The following ANKRD50 variants were observed in gnomAD, a reference collection of about 807,000 sequenced individuals.
ANKRD50 encodes the protein ankyrin repeat domain-containing protein 50.
Under a neutral mutation model 112.0 loss-of-function variants are expected in ANKRD50, and 40 were observed. The ratio of observed to expected loss-of-function variants is 0.36; its 90% confidence interval spans 0.28 to 0.46. ANKRD50 has a LOEUF of 0.46. Among genes scored for constraint, ANKRD50 ranks in the 20% least tolerant of loss-of-function variants. The pLI is 1.00. For synonymous variants in ANKRD50, 613 were observed against 619.1 expected (o/e 0.99, Z 0.15); for missense variants, 1,487 against 1,701.7 (o/e 0.87, Z 2.22).
intron 2 of ANKRD50, among the ~76,000 whole-genome samples, chr4:124,701,597 A>T (rs1017881499): frequency 6.6e-6 from 1 of 152,236 alleles, no homozygotes; most frequent in African/African-American, 2.4e-5. Context: ...CAGGTTTGAA[A>T]TTTAAAACAA....
intron 2 of ANKRD50, among the ~76,000 whole-genome samples, chr4:124,698,138 G>A (rs1399692596): frequency 2.6e-5 from 4 of 150,964 alleles, no homozygotes; most frequent in Non-Finnish European, 4.4e-5. Context: ...GATGGGAAAG[G>A]GTAAAGTGCT....
At chr4:124,699,060 G>A (rs992855851) in intron 2 of ANKRD50, among the ~76,000 whole-genome samples, 1 of 152,052 alleles carries the variant, frequency 6.6e-6, no homozygotes, top group African/African-American at 2.4e-5. Flanking sequence ...TAACAATTAC[G>A]TGTGTATACC....
rs970689506 is a variant in ANKRD50, at chr4:124,666,051, C to T, written c.*1467G>A. 9 of 151,960 alleles carry T rather than the reference C, an allele frequency of 5.9e-5. No individual in the cohort carries two copies. The highest frequency in any genetic ancestry group is 1.3e-4 in the Non-Finnish European group (9 of 67,920). 9.4% of individuals were successfully genotyped at this position (151,960 alleles called of 1,614,324 possible). A position where few individuals can be genotyped will look rare whatever the true frequency, so the allele number is the denominator to read the frequency against. On this transcript the variant is annotated 3_prime_UTR_variant, in exon 5 of 5. Transcript: ENST00000504087. Reference sequence around the variant, plus strand: ...ATTCTCTTTCCTCATTCCTCATCAACAGTACATGAAAAGAACAGAATTTCT... The same window carrying T: ...ATTCTCTTTCCTCATTCCTCATCAATAGTACATGAAAAGAACAGAATTTCT...
intron 2 of ANKRD50, among the ~76,000 whole-genome samples, chr4:124,690,359 T>C (rs1232686021): frequency 1.3e-5 from 2 of 152,250 alleles, no homozygotes; most frequent in Non-Finnish European, 2.9e-5. Flanking sequence ...TCTTGATAAC[T>C]GATCTTTTCT....
At chr4:124,700,124 A>T (rs1220999428) in intron 2 of ANKRD50, among the ~76,000 whole-genome samples, 1 of 152,204 alleles carries the variant, frequency 6.6e-6, no homozygotes, top group African/African-American at 2.4e-5. Context: ...GTGAATAAGG[A>T]AAGCTCTCTG....
In ANKRD50 at chr4:124,671,377, C is replaced by G; in HGVS notation, c.1900G>C (p.Gly634Arg). Residue 634 changes from glycine to arginine, a missense_variant, in exon 4 of 5, where the codon GGC (glycine) becomes CGC (arginine). Physicochemically the swap from Gly to Arg is moderately radical, Grantham distance 125. Around this residue, in one of 2 missense-constraint regions of ANKRD50, gnomAD observed 1,046 missense variants for 1,269.5 expected, o/e 0.82. Coordinates refer to ENST00000504087, the MANE Select transcript of ANKRD50 (RefSeq NM_020337.3). Reference sequence around the variant, plus strand: ...GCATCTGCACAATCCACTTTTACGCCAGCATAAAGTAGTGCAGAAACTACC... The same window carrying G: ...GCATCTGCACAATCCACTTTTACGCGAGCATAAAGTAGTGCAGAAACTACC... ...TEVVSALLYA[G>R]VKVDCADADS... 6.2e-7 allele frequency: 1 copy of G among 1,613,860 alleles called. No homozygotes were observed. Among genetic ancestry groups the G allele is most frequent in the Non-Finnish European group, 8.5e-7 (1 of 1,179,870 alleles).
intron 2 of ANKRD50, among the ~76,000 whole-genome samples, chr4:124,705,096 AAAAAC>A (rs1320544661): frequency 2.1e-5 from 3 of 145,066 alleles, no homozygotes; most frequent in Non-Finnish European, 4.5e-5. Flanking sequence ...TCCATCTCAA[AAAAAC>A]AAACAAACAA....
At chr4:124,683,730 C>T (rs1447632231) in intron 2 of ANKRD50, among the ~76,000 whole-genome samples, 1 of 143,854 alleles carries the variant, frequency 7.0e-6, no homozygotes, top group Admixed American at 7.1e-5. Flanking sequence ...CCACTCCAGG[C>T]TGGGTGACAG....
chr4:124,678,193 G>T (rs1731296406), intron 3 of ANKRD50, among the ~76,000 whole-genome samples: 1 of 151,910 alleles, frequency 6.6e-6, no homozygotes, highest in African/African-American at 2.4e-5. Flanking sequence ...ATATGTCCTT[G>T]TTTTACACTT....
At chr4:124,685,212 T>C (rs1724979081) in intron 2 of ANKRD50, among the ~76,000 whole-genome samples, 1 of 152,194 alleles carries the variant, frequency 6.6e-6, no homozygotes, top group Non-Finnish European at 1.5e-5. Flanking sequence ...GCAGGAACTA[T>C]GCCTATCTTG....
At chr4:124,678,000 T>C (rs192647375) in intron 3 of ANKRD50, among the ~76,000 whole-genome samples, 1 of 152,212 alleles carries the variant, frequency 6.6e-6, no homozygotes, top group Admixed American at 6.5e-5. Context: ...AAACCAAAAG[T>C]GCTGCCTTTA....
intron 3 of ANKRD50, among the ~76,000 whole-genome samples, chr4:124,674,936 ATAAT>A (rs1730738835): frequency 6.6e-6 from 1 of 151,844 alleles, no homozygotes; most frequent in Non-Finnish European, 1.5e-5. Flanking sequence ...AGTACTGAAA[ATAAT>A]TACTTTTAAA....
At position 124,710,930 on chromosome 4, in the gene ANKRD50, T is replaced by C. The variant is rs1725614356; in HGVS notation, c.-419A>G. 1 of 421,670 alleles carries C rather than the reference T, an allele frequency of 2.4e-6. No individual in the cohort carries two copies. The highest frequency in any genetic ancestry group is 4.2e-6 in the Non-Finnish European group (1 of 238,392). 26.1% of individuals were successfully genotyped at this position (421,670 alleles called of 1,614,324 possible). ...TTCTCCAGATTCCAAGTGTTAATTC[T>C]GCATCTGACAATTAGATTCTGAAAA... On this transcript the variant is annotated 5_prime_UTR_variant, in exon 2 of 5. Coordinates refer to ENST00000504087, the MANE Select transcript of ANKRD50 (RefSeq NM_020337.3).
chr4:124,710,386 G>A lies in ANKRD50; in HGVS notation c.126C>T (p.Asn42=). 3.1e-6 allele frequency: 5 copies of A among 1,614,188 alleles called. No individual in the cohort carries two copies. The highest frequency in any genetic ancestry group is 4.2e-6 in the Non-Finnish European group (5 of 1,180,036). The stretch of plus-strand genomic sequence containing the variant: ...GTGCATTGACAGCACTATTGCAGCA[G>A]TTACTTTTCTCCTGGAGGCAATGCT... ...KLQHCLQEKS[N]CCNSAVNAPS... is the part of the protein sequence containing the mutation. Residue 42 remains asparagine (N), a synonymous_variant, in exon 2 of 5, where the codon AAC becomes AAT. Coordinates refer to ENST00000504087, the MANE Select transcript of ANKRD50 (RefSeq NM_020337.3).
chr4:124,699,266 A>AT (rs1725331784), intron 2 of ANKRD50, among the ~76,000 whole-genome samples: 1 of 151,986 alleles, frequency 6.6e-6, no homozygotes, highest in African/African-American at 2.4e-5. Context: ...TAAAAAAAAA[A>AT]AAAAATTGGG....
rs1326371010 is a variant in ANKRD50, at chr4:124,664,333, T to C, written c.*3185A>G. The C allele has an allele frequency of 6.6e-6, 1 of 152,004 alleles. No homozygotes were observed. Among genetic ancestry groups the C allele is most frequent in the Non-Finnish European group, 1.5e-5 (1 of 67,910 alleles). The allele number at this position is 152,004 out of a possible 1,614,324, so 9.4% of individuals were successfully genotyped here. A position where few individuals can be genotyped will look rare whatever the true frequency, so the allele number is the denominator to read the frequency against. On this transcript the variant is annotated 3_prime_UTR_variant, in exon 5 of 5. Transcript: ENST00000504087. The stretch of plus-strand genomic sequence containing the variant: ...TTTTTCTACCTTCCTTTGGACAGTG[T>C]TATATTTCACTTTCTTCTTTGCAAA...
intron 2 of ANKRD50, among the ~76,000 whole-genome samples, chr4:124,691,218 C>A (rs925156183): frequency 6.6e-6 from 1 of 152,046 alleles, no homozygotes; most frequent in Non-Finnish European, 1.5e-5. Flanking sequence ...ACAGGCCGGG[C>A]GTGGTGGCTC....
chr4:124,697,299 A>G (rs1157315655), intron 2 of ANKRD50, among the ~76,000 whole-genome samples: 3 of 152,146 alleles, frequency 2.0e-5, no homozygotes, highest in Non-Finnish European at 2.9e-5. Flanking sequence ...AAACAAAGAA[A>G]AGCCAAGATT....
intron 2 of ANKRD50, among the ~76,000 whole-genome samples, chr4:124,700,703 C>T (rs996655772): frequency 2.0e-5 from 3 of 152,154 alleles, no homozygotes; most frequent in Non-Finnish European, 1.5e-5. Flanking sequence ...AACTCTGTGA[C>T]TTAAAGTAAC....
Sources: allele counts gnomAD v4.1 joint callset (sites outside exome capture counted in the v4.1 genomes callset), GRCh38; gene constraint gnomAD v4.1.1; regional missense constraint gnomAD v4.1.1; transcripts MANE v1.5; gene names NCBI Gene and HGNC (gene_info 2026-07-23, HGNC 2026-07-21).